The following PARP16 variants were observed in gnomAD, a reference collection of about 807,000 sequenced individuals.
PARP16 encodes protein mono-ADP-ribosyltransferase PARP16.
In PARP16, 31 loss-of-function variants were observed where a neutral mutation model predicts 35.0. That is an observed-to-expected ratio of 0.88 (90% confidence interval 0.66 to 1.19). The LOEUF (loss-of-function observed/expected upper bound fraction) is 1.19, where lower values mean the gene tolerates loss of function less well. PARP16 is among the 50% of genes most tolerant of loss of function. The probability of loss-of-function intolerance (pLI) is 0.00; values close to 1 mark genes in which losing one functional copy is unlikely to be tolerated. For missense variants in PARP16, 424 were observed against 411.2 expected, an observed-to-expected ratio of 1.03 and a Z score of -0.27; for synonymous variants, 162 against 169.5, an observed-to-expected ratio of 0.96 and a Z score of 0.34.
downstream of PARP16, among the ~76,000 whole-genome samples, chr15:65,232,957 C>A (rs529096937): frequency 1.2e-4 from 19 of 152,016 alleles, no homozygotes; most frequent in African/African-American, 4.6e-4. Flanking sequence ...CCACTGCACT[C>A]CAGCCTGGGC....
chr15:65,268,866 T>C (rs1020929990), intron 2 of PARP16, among the ~76,000 whole-genome samples: 1 of 152,138 alleles, frequency 6.6e-6, no homozygotes, highest in Non-Finnish European at 1.5e-5. Flanking sequence ...GCGATTCTCC[T>C]ACCTCAGCCT....
rs544693403 is a variant in PARP16, at chr15:65,276,317, G to A, written c.175-5245C>T. On this transcript the variant is annotated intron_variant, in intron 1 of 5. Transcript: ENST00000649807. ...CAAGTAGGGTTGCCATTTAAAATACGCTCTGCCCGGTTAAATTTGAATTTC... is the reference window on the plus strand; with the variant it reads ...CAAGTAGGGTTGCCATTTAAAATACACTCTGCCCGGTTAAATTTGAATTTC... Among the ~76,000 whole-genome samples the A allele has an allele frequency of 1.1e-3, 164 of 152,232 alleles. 3 individuals carry two copies. The South Asian group carries it at 0.033, about 30-fold the overall frequency.
rs2090611676 is a variant in PARP16 at position 65,286,716 on chromosome 15, G to T, written c.-290C>A. 1.2e-5 allele frequency: 4 copies of T among 337,728 alleles called. No homozygotes were observed. Among genetic ancestry groups the T allele is most frequent in the Non-Finnish European group, 1.6e-5 (3 of 185,634 alleles). The allele number at this position is 337,728 out of a possible 1,614,324, so 20.9% of individuals were successfully genotyped here. A position where few individuals can be genotyped will look rare whatever the true frequency, so the allele number is the denominator to read the frequency against. On this transcript the variant is annotated 5_prime_UTR_variant, in exon 1 of 6. Coordinates refer to ENST00000649807, the MANE Select transcript of PARP16 (RefSeq NM_001316943.2). The stretch of plus-strand genomic sequence containing the variant: ...TAAAGGAACTGGGGCTGGTGGGGGG[G>T]AGGGGTTCCCGGCCTAGGGGAAGGG...
chr15:65,259,548 TAAGAGGGAAAA>T lies in PARP16; in HGVS notation c.834-17_834-7del. The T allele has an allele frequency of 6.2e-7, 1 of 1,612,788 alleles. No individual in the cohort carries two copies. Among genetic ancestry groups the T allele is most frequent in the South Asian group, 1.1e-5 (1 of 90,994 alleles). On this transcript the variant is annotated splice_polypyrimidine_tract_variant and splice_region_variant and intron_variant, in intron 5 of 5. Coordinates refer to ENST00000649807, the MANE Select transcript of PARP16 (RefSeq NM_001316943.2). ...AGGAGAGCTGGCTCGAAGCCCTGCTTAAGAGGGAAAAAAGAGTGGTGTTGGCAAAAAGAGAA... is the reference window on the plus strand; with the variant it reads ...AGGAGAGCTGGCTCGAAGCCCTGCTTAAGAGTGGTGTTGGCAAAAAGAGAA...
At chr15:65,279,782 C>T (rs991766191) in intron 1 of PARP16, among the ~76,000 whole-genome samples, 4 of 152,030 alleles carry the variant, frequency 2.6e-5, no homozygotes, top group Non-Finnish European at 5.9e-5. Context: ...AATAGAAAAG[C>T]TACATATTAT....
At chr15:65,241,304 C>A (rs1383828499) in intron 3 of PARP16, among the ~76,000 whole-genome samples, 1 of 150,836 alleles carries the variant, frequency 6.6e-6, no homozygotes, top group East Asian at 2.0e-4. Context: ...CCACACCCAG[C>A]TAATTTTTGT....
chr15:65,242,737 T>C (rs2089111981), intron 3 of PARP16, among the ~76,000 whole-genome samples: 1 of 152,186 alleles, frequency 6.6e-6, no homozygotes, highest in Admixed American at 6.6e-5. Flanking sequence ...TTTTTTGAGA[T>C]GGAGTCCTGC....
chr15:65,252,494 G>A (rs562234556), intron 2 of PARP16, among the ~76,000 whole-genome samples: 6 of 152,296 alleles, frequency 3.9e-5, no homozygotes, highest in African/African-American at 1.4e-4. Flanking sequence ...CCAATAAATT[G>A]AGACTGGCCT....
chr15:65,238,044 G>A (rs1037409349), intron 3 of PARP16, among the ~76,000 whole-genome samples: 1 of 152,148 alleles, frequency 6.6e-6, no homozygotes, highest in Non-Finnish European at 1.5e-5. Context: ...CCAGCACTTT[G>A]GGAGGCCGAG....
At chr15:65,232,765 T>TA (rs2088793573), downstream of PARP16, among the ~76,000 whole-genome samples, 1 of 151,404 alleles carries the variant, frequency 6.6e-6, no homozygotes, top group Non-Finnish European at 1.5e-5. Context: ...AATAAATAAA[T>TA]AAAAAATGGG....
intron 1 of PARP16, among the ~76,000 whole-genome samples, chr15:65,276,065 G>A (rs1258615187): frequency 6.6e-6 from 1 of 152,094 alleles, no homozygotes; most frequent in Non-Finnish European, 1.5e-5. Flanking sequence ...GCCTCTTCCC[G>A]GCCCTCCTAC....
At chr15:65,257,401 T>C (rs1002930246), downstream of PARP16, among the ~76,000 whole-genome samples, 13 of 150,180 alleles carry the variant, frequency 8.7e-5, no homozygotes, top group South Asian at 6.3e-4. Context: ...ACCACTGCAC[T>C]CTAGCCTAGG....
At position 65,270,935 on chromosome 15, in the gene PARP16, C is replaced by T. The variant is rs757888595; in HGVS notation, c.312G>A (p.Glu104=). The T allele has an allele frequency of 1.9e-6, 3 of 1,614,010 alleles. No individual in the cohort carries two copies. The African/African-American group carries it at 4.0e-5, about 22-fold the overall frequency. ...GTGATGCTACGGACCAAAGTCTCAC[C>T]TCTGCCTTCCCTGCACTGTGGATTG... ...VLTIHSAGKA[E]FEKIQKLTGA... The change falls in exon 2 of 6, where the codon GAG becomes GAA. Residue 104 remains glutamate (E), a splice_region_variant and synonymous_variant. Transcript: ENST00000649807.
At chr15:65,281,165 C>G (rs2090413025) in intron 1 of PARP16, among the ~76,000 whole-genome samples, 1 of 152,188 alleles carries the variant, frequency 6.6e-6, no homozygotes, top group Non-Finnish European at 1.5e-5. Flanking sequence ...GAACAAAAAA[C>G]TGTACAGCTG....
At chr15:65,269,204 CTTT>C (rs894925251) in intron 2 of PARP16, among the ~76,000 whole-genome samples, 1 of 103,486 alleles carries the variant, frequency 9.7e-6, no homozygotes, top group African/African-American at 3.1e-5. Flanking sequence ...TTCTTTCTTT[CTTT>C]TTTTTTTGAG....
chr15:65,260,565 CGGT>C (rs1370665595), intron 5 of PARP16, among the ~76,000 whole-genome samples: 2 of 152,212 alleles, frequency 1.3e-5, no homozygotes, highest in African/African-American at 4.8e-5. Flanking sequence ...TTAACCTCAT[CGGT>C]GGGTCTCAGA....
chr15:65,237,856 C>G (rs1358867997), intron 3 of PARP16, among the ~76,000 whole-genome samples: 1 of 152,220 alleles, frequency 6.6e-6, no homozygotes, highest in Admixed American at 6.5e-5. Context: ...CTGCTCCTTC[C>G]TGATGAGCTG....
At chr15:65,245,386 G>T (rs972796202) in intron 3 of PARP16, among the ~76,000 whole-genome samples, 1 of 152,222 alleles carries the variant, frequency 6.6e-6, no homozygotes, top group Non-Finnish European at 1.5e-5. Context: ...ACCTCTAGGG[G>T]CCACTCCTTA....
At chr15:65,256,557 G>A (rs1428896236), downstream of PARP16, among the ~76,000 whole-genome samples, 8 of 151,872 alleles carry the variant, frequency 5.3e-5, no homozygotes, top group African/African-American at 1.4e-4. Context: ...ACAGGCGCCC[G>A]CAACCACGCC....
Sources: allele counts gnomAD v4.1 joint callset (sites outside exome capture counted in the v4.1 genomes callset), GRCh38; gene constraint gnomAD v4.1.1; transcripts MANE v1.5; gene names NCBI Gene and HGNC (gene_info 2026-07-23, HGNC 2026-07-21).